Variants in TTC39C observed in about 807,000 individuals in gnomAD.
TTC39C encodes tetratricopeptide repeat protein 39C.
TTC39C carries 33 observed loss-of-function variants against 76.3 expected under a neutral mutation model. The observed-to-expected ratio is 0.43, with a 90% CI of 0.33 to 0.58. The LOEUF (loss-of-function observed/expected upper bound fraction) is 0.58, where lower values mean the gene tolerates loss of function less well. Ranked by LOEUF, TTC39C falls within the 20% of genes least tolerant of loss-of-function variation. TTC39C has a pLI of 0.04. For synonymous variants in TTC39C, 254 were observed against 260.6 expected (o/e 0.97, Z 0.24); for missense variants, 595 against 701.4 (o/e 0.85, Z 1.71).
At chr18:24,016,211 C>T (rs2083453122) in intron 1 of TTC39C, among the ~76,000 whole-genome samples, 1 of 151,482 alleles carries the variant, frequency 6.6e-6, no homozygotes, top group African/African-American at 2.4e-5. Flanking sequence ...TGATTTTTTC[C>T]CCCCTTTGGT....
chr18:24,051,184 G>A (rs2083944803), intron 1 of TTC39C, among the ~76,000 whole-genome samples: 1 of 152,112 alleles, frequency 6.6e-6, no homozygotes, highest in Non-Finnish European at 1.5e-5. Flanking sequence ...TCCGTGGGGA[G>A]GAAACCCAGA....
At chr18:24,090,346 A>G (rs1897315296) in intron 6 of TTC39C, among the ~76,000 whole-genome samples, 1 of 152,250 alleles carries the variant, frequency 6.6e-6, no homozygotes, top group Non-Finnish European at 1.5e-5. Flanking sequence ...GGGGGCCAGA[A>G]TATAATTATT....
intron 1 of TTC39C, among the ~76,000 whole-genome samples, chr18:24,030,452 G>A (rs2083652959): frequency 6.6e-6 from 1 of 152,102 alleles, no homozygotes; most frequent in Non-Finnish European, 1.5e-5. Flanking sequence ...AAACTAGAGA[G>A]GAATCTGAAT....
At chr18:24,026,635 A>G (rs1325733978) in intron 1 of TTC39C, among the ~76,000 whole-genome samples, 1 of 152,186 alleles carries the variant, frequency 6.6e-6, no homozygotes, top group Admixed American at 6.5e-5. Flanking sequence ...CAGGTGCACC[A>G]TAACACTCCT....
At position 24,083,018 on chromosome 18, in the gene TTC39C, A is replaced by G; in HGVS notation, c.921A>G (p.Lys307=). 1 of 1,614,206 alleles carries G rather than the reference A, an allele frequency of 6.2e-7. No individual in the cohort carries two copies. Among genetic ancestry groups the G allele is most frequent in the Non-Finnish European group, 8.5e-7 (1 of 1,180,012 alleles). ...LDEAKEILLK[K]EAAYPNSSLF... ...AAGCTAAGGAAATTCTCCTTAAAAA[A>G]GAAGCTGCTTATCCAAATTCTTCCC... Residue 307 remains lysine, a synonymous_variant, in exon 6 of 14, where the codon AAA becomes AAG. Coordinates refer to ENST00000317571, the MANE Select transcript of TTC39C (RefSeq NM_001135993.2).
intron 1 of TTC39C, among the ~76,000 whole-genome samples, chr18:24,062,118 A>T (rs2084108974): frequency 6.6e-6 from 1 of 152,126 alleles, no homozygotes; most frequent in Admixed American, 6.5e-5. Flanking sequence ...CTCTTAAATG[A>T]TAAGATGGTA....
At chr18:24,074,058 A>AT (rs1412443973) in intron 4 of TTC39C, among the ~76,000 whole-genome samples, 2 of 152,188 alleles carry the variant, frequency 1.3e-5, no homozygotes, top group Non-Finnish European at 2.9e-5. Flanking sequence ...GATGAATGAG[A>AT]TGCACTTCAT....
intron 1 of TTC39C, chr18:24,019,764 CTG>C: frequency 1.1e-6 from 1 of 931,404 alleles, no homozygotes; most frequent in East Asian, 2.9e-5. Flanking sequence ...TATGTGTGGT[CTG>C]TGGTTGCTTG....
At chr18:24,099,045 ATC>A (rs1195744358) in intron 6 of TTC39C, among the ~76,000 whole-genome samples, 21 of 89,362 alleles carry the variant, frequency 2.3e-4, no homozygotes, top group Non-Finnish European at 4.5e-4. Flanking sequence ...GTATATATAT[ATC>A]TATACACGTA....
At chr18:24,098,132 C>G (rs1599322783) in intron 6 of TTC39C, among the ~76,000 whole-genome samples, 1 of 152,120 alleles carries the variant, frequency 6.6e-6, no homozygotes, top group Admixed American at 6.5e-5. Flanking sequence ...CTCAGGTTCT[C>G]TGTTAATGGG....
chr18:24,022,554 A>G (rs1288607102), intron 1 of TTC39C: 2 of 985,176 alleles, frequency 2.0e-6, no homozygotes, highest in African/African-American at 3.5e-5. Context: ...TTCTACAGTA[A>G]AAGGATTCAC....
In TTC39C at chr18:24,125,547, C is replaced by G; in HGVS notation, c.1417C>G (p.Gln473Glu). 1.2e-6 allele frequency: 2 copies of G among 1,614,022 alleles called. No homozygotes were observed. The highest frequency in any genetic ancestry group is 2.2e-5 in the South Asian group (2 of 91,060). ...CSFPNLQRMS[Q>E]ACHEVDDSSV... ...CTTCCCCAACCTGCAGAGGATGAGT[C>G]AAGGTAAAAAATTTAAAAAAACCCA... Residue 473 changes from glutamine to glutamate, a missense_variant, in exon 10 of 14, where the codon CAA becomes GAA. By Grantham distance (29) the Gln-to-Glu change is conservative. Coordinates refer to ENST00000317571, the MANE Select transcript of TTC39C (RefSeq NM_001135993.2).
At chr18:24,112,383 G>A (rs555820486) in intron 6 of TTC39C, among the ~76,000 whole-genome samples, 38 of 152,186 alleles carry the variant, frequency 2.5e-4, no homozygotes, top group Non-Finnish European at 4.6e-4. Context: ...TTGACTATTA[G>A]TCAATTGTTA....
At chr18:24,012,617 T>TCTC (rs1277601767), upstream of TTC39C, among the ~76,000 whole-genome samples, 1 of 152,168 alleles carries the variant, frequency 6.6e-6, no homozygotes, top group African/African-American at 2.4e-5. Context: ...CTGCAGGCTA[T>TCTC]CTCCTATGTC....
rs189248033 is a variant in TTC39C at position 24,114,512 on chromosome 18, G to T, written c.985-42G>T. On this transcript the variant is annotated intron_variant, in intron 6 of 13. Transcript: ENST00000317571. ...GAATTATGATGATTGTAATGTTATC[G>T]ACAGATCTTAGCTGGTAATTCTGTT... 3 of 1,399,250 alleles carry T rather than the reference G, an allele frequency of 2.1e-6. No individual in the cohort carries two copies. In the South Asian group the frequency reaches 3.5e-5, roughly 16 times the overall value. 86.7% of individuals were successfully genotyped at this position (1,399,250 alleles called of 1,614,324 possible).
intron 4 of TTC39C, among the ~76,000 whole-genome samples, chr18:24,073,587 C>T (rs1176113751): frequency 2.0e-5 from 3 of 151,990 alleles, no homozygotes; most frequent in African/African-American, 4.8e-5. Flanking sequence ...GAGATCATAG[C>T]TCACTTCAGC....
At chr18:24,075,692 A>G (rs373245644) in intron 4 of TTC39C, among the ~76,000 whole-genome samples, 5 of 150,920 alleles carry the variant, frequency 3.3e-5, no homozygotes, top group South Asian at 4.2e-4. Flanking sequence ...CTCAAAAAAA[A>G]AAAAAAAAAA....
chr18:24,042,998 T>TA (rs1259372207), intron 1 of TTC39C, among the ~76,000 whole-genome samples: 3 of 152,082 alleles, frequency 2.0e-5, no homozygotes, highest in Non-Finnish European at 2.9e-5. Context: ...ATTTTGGGGA[T>TA]AAAATCAATG....
intron 1 of TTC39C, among the ~76,000 whole-genome samples, chr18:24,029,166 G>A (rs540602326): frequency 5.5e-4 from 83 of 151,956 alleles, no homozygotes; most frequent in African/African-American, 2.0e-3. Flanking sequence ...GCAGTGGTGC[G>A]ATCTCAGCTC....
Sources: gnomAD v4.1 joint callset for allele counts (sites outside exome capture counted in the v4.1 genomes callset) on GRCh38, gnomAD v4.1.1 for gene constraint, MANE v1.5 for transcripts, NCBI Gene and HGNC (gene_info 2026-07-23, HGNC 2026-07-21) for gene names.